The following MDGA2 variants were observed in gnomAD, a reference collection of about 807,000 sequenced individuals.
MDGA2 encodes MAM domain-containing glycosylphosphatidylinositol anchor protein 2.
Under a neutral mutation model 117.8 loss-of-function variants are expected in MDGA2, and 40 were observed. That is an observed-to-expected ratio of 0.34 (90% CI 0.26 to 0.44). The LOEUF is 0.44. MDGA2 is among the 20% of genes least tolerant of loss of function. The pLI is 1.00. For synonymous variants in MDGA2, 452 were observed against 439.0 expected, an observed-to-expected ratio of 1.03 and a Z score of -0.37; for missense variants, 1,123 against 1,250.6, an observed-to-expected ratio of 0.90 and a Z score of 1.54.
At chr14:47,174,082 C>A (rs1375983449) in intron 3 of MDGA2, among the ~76,000 whole-genome samples, 3 of 152,116 alleles carry the variant, frequency 2.0e-5, no homozygotes, top group Non-Finnish European at 2.9e-5. Context: ...GGGATCGATT[C>A]AACAAGAAGA....
At chr14:47,053,644 TATATATATATACAC>T (rs1443515960) in intron 7 of MDGA2, among the ~76,000 whole-genome samples, 40 of 39,124 alleles carry the variant, frequency 1.0e-3, no homozygotes, top group Non-Finnish European at 1.7e-3. Flanking sequence ...TATATATATA[TATATATATATACAC>T]ACACACACAC....
intron 1 of MDGA2, among the ~76,000 whole-genome samples, chr14:47,475,979 C>G (rs1893828066): frequency 6.6e-6 from 1 of 152,012 alleles, no homozygotes; most frequent in African/African-American, 2.4e-5. Flanking sequence ...ACCTGTGCAT[C>G]CTGCACATGT....
intron 2 of MDGA2, among the ~76,000 whole-genome samples, chr14:47,232,094 A>G (rs1402899892): frequency 3.9e-5 from 6 of 152,068 alleles, no homozygotes; most frequent in Non-Finnish European, 1.5e-5. Flanking sequence ...CCAGAAAGCT[A>G]AAATCTATGT....
intron 1 of MDGA2, among the ~76,000 whole-genome samples, chr14:47,528,647 A>C (rs1224179385): frequency 6.6e-6 from 1 of 152,240 alleles, no homozygotes. Flanking sequence ...AGCTACATTT[A>C]ACCAGTTTTT....
chr14:47,483,186 C>T (rs1415459607), intron 1 of MDGA2, among the ~76,000 whole-genome samples: 1 of 151,986 alleles, frequency 6.6e-6, no homozygotes, highest in African/African-American at 2.4e-5. Flanking sequence ...TCCACAATTC[C>T]AAAACATTTA....
At chr14:47,304,531 G>T (rs1383888952) in intron 1 of MDGA2, among the ~76,000 whole-genome samples, 2 of 152,026 alleles carry the variant, frequency 1.3e-5, no homozygotes, top group African/African-American at 4.8e-5. Context: ...TAGCAGAATT[G>T]CTCCAAACTT....
intron 10 of MDGA2, among the ~76,000 whole-genome samples, chr14:46,899,199 G>A (rs1883192316): frequency 6.6e-6 from 1 of 151,994 alleles, no homozygotes; most frequent in Non-Finnish European, 1.5e-5. Flanking sequence ...CAGGTAATAG[G>A]TCAGGAGTAG....
At chr14:47,116,206 C>T (rs559478082) in intron 5 of MDGA2, among the ~76,000 whole-genome samples, 40 of 151,962 alleles carry the variant, frequency 2.6e-4, no homozygotes, top group East Asian at 2.1e-3. Flanking sequence ...AGCTTAACTA[C>T]GGAAGCAAAA....
intron 1 of MDGA2, among the ~76,000 whole-genome samples, chr14:47,642,692 GATA>G (rs1897451238): frequency 6.6e-6 from 1 of 151,940 alleles, no homozygotes; most frequent in Non-Finnish European, 1.5e-5. Context: ...ATCTCTAGAT[GATA>G]ATATCTGTAT....
At chr14:47,169,503 A>C (rs1161676551) in intron 3 of MDGA2, among the ~76,000 whole-genome samples, 1 of 151,884 alleles carries the variant, frequency 6.6e-6, no homozygotes, top group Admixed American at 6.6e-5. Flanking sequence ...TTATCTATAG[A>C]TACTAACAAA....
At chr14:47,306,138 G>A (rs561581390) in intron 1 of MDGA2, 20 of 152,342 alleles carry the variant, frequency 1.3e-4, no homozygotes, top group African/African-American at 4.8e-4. Flanking sequence ...AGACACTGGA[G>A]AGGCCTGGGA....
rs1566539721 is a variant in MDGA2, at chr14:47,609,451, A to ACATCATATATACATATGTATATG, written c.280+65065_280+65066insCATATACATATGTATATATGATG. ...ATCATATATATATATATATATATAT[A>ACATCATATATACATATGTATATG]TATATATATATATAAGTTTCTTTAT... On this transcript the variant is annotated intron_variant, in intron 1 of 16. Transcript: ENST00000399232. 9.0e-5 allele frequency among the ~76,000 whole-genome samples: 9 copies of ACATCATATATACATATGTATATG among 100,274 alleles called. No individual in the cohort carries two copies. The East Asian group carries it at 2.9e-3, about 32-fold the overall frequency. The allele number at this position is 100,274 out of a possible 152,430, so 65.8% of individuals were successfully genotyped here.
chr14:47,166,469 A>C (rs1883882289), intron 3 of MDGA2, among the ~76,000 whole-genome samples: 1 of 152,148 alleles, frequency 6.6e-6, no homozygotes, highest in Non-Finnish European at 1.5e-5. Context: ...TTCTCTGTCT[A>C]CTCAAAGGAA....
intron 1 of MDGA2, among the ~76,000 whole-genome samples, chr14:47,491,965 T>C (rs1484215838): frequency 3.3e-5 from 5 of 152,262 alleles, no homozygotes; most frequent in Non-Finnish European, 4.4e-5. Context: ...AAATAAATTA[T>C]TTTTCTATTT....
At chr14:47,614,628 GC>G (rs1373118322) in intron 1 of MDGA2, among the ~76,000 whole-genome samples, 1 of 152,110 alleles carries the variant, frequency 6.6e-6, no homozygotes, top group Admixed American at 6.5e-5. Flanking sequence ...TTTTAAAAAG[GC>G]CAAGTTTCCT....
chr14:46,858,793 A>G (rs1881388909), intron 14 of MDGA2, among the ~76,000 whole-genome samples: 3 of 152,130 alleles, frequency 2.0e-5, no homozygotes, highest in Admixed American at 2.0e-4. Context: ...TTTGGTTTCT[A>G]CGAACTGATG....
chr14:46,939,265 G>C (rs1176088183), intron 9 of MDGA2, among the ~76,000 whole-genome samples: 1 of 152,112 alleles, frequency 6.6e-6, no homozygotes, highest in Non-Finnish European at 1.5e-5. Flanking sequence ...ACGGGATATT[G>C]AATGTTTCCA....
chr14:47,513,268 T>C (rs867482939), intron 1 of MDGA2, among the ~76,000 whole-genome samples: 19 of 152,308 alleles, frequency 1.2e-4, no homozygotes, highest in African/African-American at 3.4e-4. Flanking sequence ...AGACTTTCTT[T>C]CATTTTTTTA....
At chr14:46,901,945 G>A (rs1274784706) in intron 10 of MDGA2, among the ~76,000 whole-genome samples, 1 of 152,176 alleles carries the variant, frequency 6.6e-6, no homozygotes, top group East Asian at 1.9e-4. Flanking sequence ...TTGGGAATGA[G>A]GATGACTTTT....
Sources: allele counts gnomAD v4.1 joint callset (sites outside exome capture counted in the v4.1 genomes callset), GRCh38; gene constraint gnomAD v4.1.1; transcripts MANE v1.5; gene names NCBI Gene and HGNC (gene_info 2026-07-23, HGNC 2026-07-21).